The following ROPN1 variants were observed in gnomAD, a reference collection of about 807,000 sequenced individuals.
The protein encoded by ROPN1 is rhophilin associated tail protein 1.
ROPN1 carries 14 observed loss-of-function variants against 20.5 expected under a neutral mutation model. The ratio of observed to expected loss-of-function variants is 0.68; its 90% confidence interval spans 0.45 to 1.07. The LOEUF is 1.07. Among genes scored for constraint, ROPN1 ranks in the 50% least tolerant of loss-of-function variants. The probability of loss-of-function intolerance (pLI) is 0.00; values close to 1 mark genes in which losing one functional copy is unlikely to be tolerated. For missense variants in ROPN1, 169 were observed against 242.8 expected (o/e 0.70, Z 2.02); for synonymous variants, 76 against 95.7 (o/e 0.79, Z 1.20).
chr3:123,981,011 C>T (rs2038135849), intron 1 of ROPN1, among the ~76,000 whole-genome samples: 1 of 152,152 alleles, frequency 6.6e-6, no homozygotes. Context: ...ATTTGGTGAG[C>T]GTCTCTCTTT....
At chr3:123,990,181 G>A (rs2149006136) in intron 1 of ROPN1, among the ~76,000 whole-genome samples, 1 of 152,240 alleles carries the variant, frequency 6.6e-6, no homozygotes, top group East Asian at 1.9e-4. Flanking sequence ...ACTCCCAGGA[G>A]CTTCACTGCC....
intron 2 of ROPN1, among the ~76,000 whole-genome samples, chr3:123,978,319 T>C (rs2038067525): frequency 6.6e-6 from 1 of 152,166 alleles, no homozygotes; most frequent in African/African-American, 2.4e-5. Flanking sequence ...GGCCTCAGGC[T>C]TTATAAACCA....
At chr3:123,986,777 G>T (rs1324803583) in intron 1 of ROPN1, among the ~76,000 whole-genome samples, 1 of 152,220 alleles carries the variant, frequency 6.6e-6, no homozygotes, top group Non-Finnish European at 1.5e-5. Flanking sequence ...GCTGTAGTAT[G>T]GGGAGGGAAA....
At chr3:123,971,564 T>C (rs77918764) in intron 4 of ROPN1, among the ~76,000 whole-genome samples, 4,711 of 152,264 alleles carry the variant, frequency 0.031, 80 homozygotes, top group Middle Eastern at 0.044. Flanking sequence ...CTACTCACTT[T>C]CACTTAATTC....
At chr3:123,971,419 G>A (rs1028465951) in intron 4 of ROPN1, among the ~76,000 whole-genome samples, 5 of 152,124 alleles carry the variant, frequency 3.3e-5, no homozygotes, top group Non-Finnish European at 7.3e-5. Flanking sequence ...CATTTAATAA[G>A]CATTGTTATT....
At chr3:123,969,260 C>T (rs1390716620) in intron 5 of ROPN1, 39 bp from the exon 6 acceptor site, 1 of 1,464,650 alleles carries the variant, frequency 6.8e-7, no homozygotes, top group Admixed American at 1.7e-5. Flanking sequence ...AGTTCATTGA[C>T]AGTTAATCTT....
rs1200791599 is a variant in ROPN1, at chr3:123,980,134, G to T, written c.116+232C>A. ...GCCCCAGGACACGGCCTATTGACCT[G>T]GCGTCCTACTGCTCAATCTGGCTCC... On this transcript the variant is annotated intron_variant, in intron 2 of 5. Transcript: ENST00000405845. 3 of 577,488 alleles carry T rather than the reference G, an allele frequency of 5.2e-6. No individual in the cohort carries two copies. In the African/African-American group the frequency reaches 5.6e-5, roughly 11 times the overall value. The allele number at this position is 577,488 out of a possible 1,614,324, so 35.8% of individuals were successfully genotyped here.
chr3:123,988,675 A>G (rs1266027251), intron 1 of ROPN1, among the ~76,000 whole-genome samples: 1 of 152,174 alleles, frequency 6.6e-6, no homozygotes. Flanking sequence ...GCAGGAGTCC[A>G]GGATTTTGGC....
chr3:123,991,836 T>C (rs1324429877), intron 1 of ROPN1, 86 bp downstream of exon 1: 1 of 152,138 alleles, frequency 6.6e-6, no homozygotes, highest in Non-Finnish European at 1.5e-5. Context: ...CCAGGGGGCG[T>C]CCGGCAGGGC....
intron 4 of ROPN1, among the ~76,000 whole-genome samples, chr3:123,970,544 T>C (rs899817458): frequency 2.0e-5 from 3 of 152,216 alleles, no homozygotes; most frequent in African/African-American, 7.2e-5. Flanking sequence ...TTGCATTCTA[T>C]ATAATTAGAA....
chr3:123,969,205 T>A lies in ROPN1; in HGVS notation c.589A>T (p.Ile197Leu). The A allele has an allele frequency of 6.2e-7, 1 of 1,613,992 alleles. No homozygotes were observed. The highest frequency in any genetic ancestry group is 8.5e-7 in the Non-Finnish European group (1 of 1,179,826). The change falls in exon 6 of 6, where the codon ATA (isoleucine) becomes TTA (leucine). Residue 197 changes from isoleucine to leucine, a missense_variant. By Grantham distance (5) the Ile-to-Leu change is conservative. Around this residue, in one of 3 missense-constraint regions of ROPN1, gnomAD observed 82 missense variants for 100.1 expected, o/e 0.82. Coordinates refer to ENST00000405845, the MANE Select transcript of ROPN1 (RefSeq NM_001317774.2). ...MEQEVIGPDG[I>L]ITVNDFTQNP... is the part of the protein sequence containing the mutation. ...TGGGTAAAGTCATTCACTGTGATTATACCATCAGGGCCAATTCTGTTTGGA... is the reference window on the plus strand; with the variant it reads ...TGGGTAAAGTCATTCACTGTGATTAAACCATCAGGGCCAATTCTGTTTGGA...
intron 4 of ROPN1, among the ~76,000 whole-genome samples, chr3:123,972,068 C>T (rs1423940892): frequency 6.6e-6 from 1 of 152,186 alleles, no homozygotes; most frequent in Admixed American, 6.5e-5. Context: ...AGCAATCCTG[C>T]TGACAGCTTG....
chr3:123,980,630 T>C, intron 1 of ROPN1, 137 bp from the exon 2 acceptor site: 1 of 660,346 alleles, frequency 1.5e-6, no homozygotes, highest in Non-Finnish European at 2.5e-6. Flanking sequence ...ATTCTATTAT[T>C]ACACAACGCC....
intron 4 of ROPN1, among the ~76,000 whole-genome samples, chr3:123,973,988 C>G (rs777129819): frequency 3.3e-5 from 5 of 152,214 alleles, no homozygotes; most frequent in Non-Finnish European, 7.3e-5. Flanking sequence ...TTTCTGCCTA[C>G]ATTCAACTGC....
intron 1 of ROPN1, among the ~76,000 whole-genome samples, chr3:123,987,764 G>A (rs1303624533): frequency 2.0e-5 from 3 of 152,134 alleles, no homozygotes; most frequent in African/African-American, 7.2e-5. Context: ...TTTTTGAGTA[G>A]TAGTTTTTGG....
At chr3:123,977,625 G>C (rs552763227) in intron 2 of ROPN1, among the ~76,000 whole-genome samples, 1 of 152,240 alleles carries the variant, frequency 6.6e-6, no homozygotes, top group African/African-American at 2.4e-5. Flanking sequence ...AGGTAGTGAG[G>C]CTTGGGGCTT....
intron 4 of ROPN1, chr3:123,974,712 C>G (rs1158141497): frequency 1.3e-5 from 2 of 152,540 alleles, no homozygotes; most frequent in African/African-American, 4.8e-5. Context: ...GTTATTTTAA[C>G]AATGTTTAGC....
chr3:123,980,542 C>T (rs976778404), intron 1 of ROPN1, 49 bp from the exon 2 acceptor site: 47 of 1,563,590 alleles, frequency 3.0e-5, no homozygotes, highest in Non-Finnish European at 3.8e-5. Flanking sequence ...TCGATTCATA[C>T]GATGAGAGCA....
chr3:123,972,387 C>T (rs1442798321), intron 4 of ROPN1, among the ~76,000 whole-genome samples: 1 of 152,212 alleles, frequency 6.6e-6, no homozygotes. Flanking sequence ...CAGACATAAT[C>T]TTTAAGCATC....
Sources: allele counts gnomAD v4.1 joint callset (sites outside exome capture counted in the v4.1 genomes callset), GRCh38; gene constraint gnomAD v4.1.1; regional missense constraint gnomAD v4.1.1; transcripts MANE v1.5; gene names NCBI Gene and HGNC (gene_info 2026-07-23, HGNC 2026-07-21).